KAT6B: variants seen among roughly 807,000 people sequenced by gnomAD.
KAT6B encodes lysine acetyltransferase 6B, also known as histone acetyltransferase KAT6B.
A neutral mutation model predicts 187.5 loss-of-function variants in KAT6B; 10 were observed. The ratio of observed to expected loss-of-function variants is 0.05; its 90% CI spans 0.03 to 0.09. The LOEUF (loss-of-function observed/expected upper bound fraction) is 0.09. KAT6B is among the 10% of genes least tolerant of loss of function. KAT6B has a pLI of 1.00. For synonymous variants in KAT6B, 861 were observed against 926.8 expected, an observed-to-expected ratio of 0.93 and a Z score of 1.29; for missense variants, 1,952 against 2,558.9, an observed-to-expected ratio of 0.76 and a Z score of 5.12.
chr10:75,024,922 T>G, intron 16 of KAT6B, 36 bp from the exon 17 acceptor site: 8 of 1,598,976 alleles, frequency 5.0e-6, no homozygotes, highest in African/African-American at 1.3e-5. Flanking sequence ...TAATTTCTCA[T>G]GAGCTCTTAT....
intron 3 of KAT6B, among the ~76,000 whole-genome samples, chr10:74,916,827 C>T (rs1847723428): frequency 6.6e-6 from 1 of 152,128 alleles, no homozygotes; most frequent in Admixed American, 6.5e-5. Flanking sequence ...ACTGGCCTGG[C>T]ACGGTGGCTC....
At chr10:74,830,750 A>ATATATATATATATATATATATATATG (rs1840723485) in intron 1 of KAT6B, among the ~76,000 whole-genome samples, 1 of 20,734 alleles carries the variant, frequency 4.8e-5, no homozygotes, top group African/African-American at 3.6e-4. Context: ...ATATATATAT[A>ATATATATATATATATATATATATATG]TATATATATA....
chr10:74,836,237 T>G (rs1165836717), intron 1 of KAT6B, among the ~76,000 whole-genome samples: 1 of 152,220 alleles, frequency 6.6e-6, no homozygotes, highest in African/African-American at 2.4e-5. Flanking sequence ...TTTGGGCTGT[T>G]TACACCTTTT....
At chr10:74,993,178 A>G (rs1402036178) in intron 13 of KAT6B, among the ~76,000 whole-genome samples, 2 of 152,140 alleles carry the variant, frequency 1.3e-5, no homozygotes, top group Admixed American at 6.5e-5. Flanking sequence ...ACTGCTGAGC[A>G]CTGGGGGCCC....
intron 13 of KAT6B, among the ~76,000 whole-genome samples, chr10:75,005,218 T>C (rs1227555219): frequency 7.4e-6 from 1 of 134,774 alleles, no homozygotes; most frequent in Non-Finnish European, 1.5e-5. Flanking sequence ...TTTTTTGTTC[T>C]TTTTTTTTTT....
Position 75,031,088 on chromosome 10 carries a change from G to A in KAT6B, c.*42G>A. 1 of 1,607,986 alleles carries A rather than the reference G, an allele frequency of 6.2e-7. No homozygotes were observed. Among genetic ancestry groups the A allele is most frequent in the Non-Finnish European group, 8.5e-7 (1 of 1,176,620 alleles). The stretch of plus-strand genomic sequence containing the variant: ...ACAAAACCTACGGGGCATCACTATT[G>A]GATTGATCTGCACAAATACCTTTGA... On this transcript the variant is annotated 3_prime_UTR_variant, in exon 18 of 18. Coordinates refer to ENST00000287239, the MANE Select transcript of KAT6B (RefSeq NM_012330.4).
rs571834625 is a variant in KAT6B, at chr10:74,921,203, C to T, written c.622-38767C>T. On this transcript the variant is annotated intron_variant, in intron 3 of 17. Transcript: ENST00000287239. Reference sequence around the variant, plus strand: ...GATCTTGCCTCACTGCAACCTCCACCTCCTGGCTTCAAGTGATTCTCCTGC... The same window carrying T: ...GATCTTGCCTCACTGCAACCTCCACTTCCTGGCTTCAAGTGATTCTCCTGC... 2.0e-5 allele frequency among the ~76,000 whole-genome samples: 3 copies of T among 151,230 alleles called. No homozygotes were observed. In the South Asian group the frequency reaches 6.3e-4, roughly 32 times the overall value.
At chr10:74,932,267 A>T (rs1481567293) in intron 3 of KAT6B, among the ~76,000 whole-genome samples, 1 of 152,232 alleles carries the variant, frequency 6.6e-6, no homozygotes, top group East Asian at 1.9e-4. Context: ...CACTGTCTTA[A>T]GCACTTTATA....
rs1171613590 is a variant in KAT6B at position 74,981,877 on chromosome 10, T to C, written c.2322T>C (p.Phe774=). The C allele has an allele frequency of 6.2e-7, 1 of 1,612,778 alleles. No individual in the cohort carries two copies. Among genetic ancestry groups the C allele is most frequent in the Non-Finnish European group, 8.5e-7 (1 of 1,178,816 alleles). ...GACACTCCAAGAAGTGTGGATGGTT[T>C]CATCCTCCAGCAAATGAAATTTACC... The part of the protein sequence containing the change: ...LLRHSKKCGW[F]HPPANEIYRR... The change falls in exon 11 of 18, where the codon TTT becomes TTC. Residue 774 remains phenylalanine (F), a synonymous_variant. Transcript: ENST00000287239.
At chr10:74,871,364 T>C (rs1843951662) in intron 3 of KAT6B, among the ~76,000 whole-genome samples, 1 of 151,838 alleles carries the variant, frequency 6.6e-6, no homozygotes, top group East Asian at 1.9e-4. Context: ...GGCTGATTTT[T>C]GTATTTTTAG....
chr10:74,929,944 T>C (rs2133160678), intron 3 of KAT6B, among the ~76,000 whole-genome samples: 1 of 151,294 alleles, frequency 6.6e-6, no homozygotes, highest in African/African-American at 2.4e-5. Flanking sequence ...TTTTGAGGCT[T>C]AGTCTCAAGC....
At chr10:74,878,349 C>G (rs1053347187) in intron 3 of KAT6B, among the ~76,000 whole-genome samples, 3 of 152,090 alleles carry the variant, frequency 2.0e-5, no homozygotes, top group Non-Finnish European at 4.4e-5. Flanking sequence ...ACTAACCATA[C>G]AACTAATGCT....
rs1842095200 is a variant in KAT6B, at chr10:74,975,543, A to G, written c.1206A>G (p.Thr402=). The change falls in exon 8 of 18, where the codon ACA becomes ACG. Residue 402 remains threonine, a synonymous_variant. Transcript: ENST00000287239. The part of the protein sequence containing the change: ...GKDSSSRLAV[T]DPTRPGATTK... ...ACTCAAGCAGCAGATTGGCTGTTACAGACCCCACTCGGCCTGGTGCCACCA... is the reference window on the plus strand; with the variant it reads ...ACTCAAGCAGCAGATTGGCTGTTACGGACCCCACTCGGCCTGGTGCCACCA... The G allele has an allele frequency of 6.2e-7, 1 of 1,613,946 alleles. No homozygotes were observed. Among genetic ancestry groups the G allele is most frequent in the Admixed American group, 1.7e-5 (1 of 59,976 alleles).
At chr10:74,868,492 G>C (rs1476253468) in intron 3 of KAT6B, among the ~76,000 whole-genome samples, 2 of 152,038 alleles carry the variant, frequency 1.3e-5, no homozygotes, top group African/African-American at 2.4e-5. Flanking sequence ...TTTTTATCTT[G>C]AGCTGATCCT....
chr10:74,846,844 A>C (rs1161143812), intron 3 of KAT6B, among the ~76,000 whole-genome samples: 1 of 152,242 alleles, frequency 6.6e-6, no homozygotes, highest in Non-Finnish European at 1.5e-5. Context: ...AAATATGTAC[A>C]CTACCCTAAG....
At chr10:75,013,916 C>T (rs531745111) in intron 13 of KAT6B, among the ~76,000 whole-genome samples, 91 of 152,262 alleles carry the variant, frequency 6.0e-4, no homozygotes, top group African/African-American at 2.0e-3. Context: ...GAGCCTCTCA[C>T]GATCTGTCGT....
intron 3 of KAT6B, among the ~76,000 whole-genome samples, chr10:74,932,613 T>C (rs1487766857): frequency 1.3e-5 from 2 of 152,138 alleles, no homozygotes; most frequent in Non-Finnish European, 2.9e-5. Context: ...ATGGGAAGTC[T>C]TGGGAGGGCC....
chr10:74,871,323 A>G (rs1461478333), intron 3 of KAT6B, among the ~76,000 whole-genome samples: 1 of 149,840 alleles, frequency 6.7e-6, no homozygotes. Context: ...CTCCCAAGTA[A>G]CTGGGATTAC....
intron 4 of KAT6B, among the ~76,000 whole-genome samples, chr10:74,966,380 G>C (rs1841470868): frequency 6.6e-6 from 1 of 152,184 alleles, no homozygotes; most frequent in Admixed American, 6.5e-5. Context: ...TGCTACAACA[G>C]GTATAGTATG....
Sources: allele counts gnomAD v4.1 joint callset (sites outside exome capture counted in the v4.1 genomes callset), GRCh38; gene constraint gnomAD v4.1.1; transcripts MANE v1.5; gene names NCBI Gene and HGNC (gene_info 2026-07-23, HGNC 2026-07-21).